The following LMNTD1 variants were observed in gnomAD, a reference collection of about 807,000 sequenced individuals.
LMNTD1 encodes the protein lamin tail domain-containing protein 1.
LMNTD1 carries 35 observed loss-of-function variants against 50.9 expected under a neutral mutation model. The ratio of observed to expected loss-of-function variants is 0.69; its 90% confidence interval spans 0.53 to 0.91. The LOEUF (loss-of-function observed/expected upper bound fraction) is 0.91. Ranked by LOEUF, LMNTD1 falls within the 40% of genes least tolerant of loss-of-function variation. The pLI, the probability that LMNTD1 is intolerant of heterozygous loss-of-function variation, is 0.00. For missense variants in LMNTD1, 470 were observed against 475.5 expected (o/e 0.99, Z 0.11); for synonymous variants, 153 against 161.9 (o/e 0.94, Z 0.42).
At position 25,532,483 on chromosome 12, in the gene LMNTD1, C is replaced by T. The variant is rs74668906; in HGVS notation, c.492-5528G>A. 3.0e-3 allele frequency among the ~76,000 whole-genome samples: 457 copies of T among 150,744 alleles called. 5 individuals are homozygous for T. The highest frequency in any genetic ancestry group is 0.03 in the East Asian group (156 of 5,184). Reference sequence around the variant, plus strand: ...TGAGAAAAACCTCTAACTTCTCAGTCTCTTAGTTGCGGCTTTCAAAATTGG... The same window carrying T: ...TGAGAAAAACCTCTAACTTCTCAGTTTCTTAGTTGCGGCTTTCAAAATTGG... On this transcript the variant is annotated intron_variant, in intron 4 of 9. Coordinates refer to ENST00000458174, the MANE Select transcript of LMNTD1 (RefSeq NM_001145728.2).
chr12:25,623,415 A>C (rs1012154461), intron 1 of LMNTD1, among the ~76,000 whole-genome samples: 1 of 151,878 alleles, frequency 6.6e-6, no homozygotes, highest in Non-Finnish European at 1.5e-5. Context: ...TTAGCTGGGC[A>C]TGGTGGCATG....
intron 1 of LMNTD1, among the ~76,000 whole-genome samples, chr12:25,577,563 T>A (rs978825271): frequency 6.6e-6 from 1 of 152,204 alleles, no homozygotes; most frequent in Non-Finnish European, 1.5e-5. Context: ...AAGTTGCTTA[T>A]CAGCTTAAGG....
chr12:25,613,402 G>A (rs980051989), intron 1 of LMNTD1, among the ~76,000 whole-genome samples: 2 of 152,170 alleles, frequency 1.3e-5, no homozygotes, highest in South Asian at 2.1e-4. Flanking sequence ...GAATCACTGG[G>A]CCTTGGTTTC....
At chr12:25,503,445 ACT>A (rs1939501306) in intron 9 of LMNTD1, among the ~76,000 whole-genome samples, 1 of 152,136 alleles carries the variant, frequency 6.6e-6, no homozygotes, top group South Asian at 2.1e-4. Flanking sequence ...GTTTGAAGTG[ACT>A]CTGGAGTTCA....
chr12:25,510,678 G>T (rs1940202178), intron 8 of LMNTD1, among the ~76,000 whole-genome samples: 1 of 151,142 alleles, frequency 6.6e-6, no homozygotes, highest in Non-Finnish European at 1.5e-5. Context: ...TTCTAGATTT[G>T]GGGATATTTT....
chr12:25,548,983 A>G (rs1423938274), intron 3 of LMNTD1, among the ~76,000 whole-genome samples: 1 of 152,052 alleles, frequency 6.6e-6, no homozygotes, highest in African/African-American at 2.4e-5. Flanking sequence ...TCCTTCTGGT[A>G]GTGTTCAGAG....
rs142654025 is a variant in LMNTD1, at chr12:25,604,145, C to T, written c.58+44349G>A. On this transcript the variant is annotated intron_variant, in intron 1 of 7. Coordinates refer to the LMNTD1 transcript ENST00000445693. ...GAGAATCTGCTTCCTCTTAAGAGTA[C>T]CTGCCCCAACTTTGTTTAGTTCTAT... is the stretch of plus-strand genomic sequence containing the variant. 1.9e-3 allele frequency among the ~76,000 whole-genome samples: 296 copies of T among 152,134 alleles called. 2 individuals are homozygous for T. Among genetic ancestry groups the T allele is most frequent in the African/African-American group, 6.8e-3 (284 of 41,532 alleles).
At chr12:25,483,866 T>A (rs990609320) in intron 9 of LMNTD1, among the ~76,000 whole-genome samples, 2 of 151,932 alleles carry the variant, frequency 1.3e-5, no homozygotes, top group African/African-American at 4.8e-5. Context: ...ATCTAACCAT[T>A]TAACTCCTTG....
intron 1 of LMNTD1, among the ~76,000 whole-genome samples, chr12:25,597,021 G>A (rs1363902151): frequency 1.3e-5 from 2 of 151,958 alleles, no homozygotes; most frequent in African/African-American, 4.8e-5. Context: ...GATAGTATTT[G>A]CAGGCCTCAT....
chr12:25,555,888 A>G (rs538533566), upstream of LMNTD1, among the ~76,000 whole-genome samples: 1 of 152,146 alleles, frequency 6.6e-6, no homozygotes, highest in African/African-American at 2.4e-5. Flanking sequence ...TGTCATCAAC[A>G]TGGCTGTGTC....
chr12:25,500,892 A>G (rs1939349190), intron 9 of LMNTD1, among the ~76,000 whole-genome samples: 2 of 152,158 alleles, frequency 1.3e-5, no homozygotes, highest in African/African-American at 4.8e-5. Context: ...TGAGAGCCTG[A>G]CTCTGAGCAC....
intron 9 of LMNTD1, among the ~76,000 whole-genome samples, chr12:25,477,060 G>A (rs1302395862): frequency 6.6e-6 from 1 of 152,072 alleles, no homozygotes; most frequent in African/African-American, 2.4e-5. Flanking sequence ...ATCAACACAT[G>A]GGCCTCACGG....
chr12:25,608,589 T>C (rs1946172793), intron 1 of LMNTD1, among the ~76,000 whole-genome samples: 1 of 152,226 alleles, frequency 6.6e-6, no homozygotes, highest in Admixed American at 6.5e-5. Flanking sequence ...CCTTCACTTA[T>C]GAAGCTTAGT....
At chr12:25,628,025 G>A (rs1428822757) in intron 1 of LMNTD1, among the ~76,000 whole-genome samples, 13 of 147,238 alleles carry the variant, frequency 8.8e-5, no homozygotes, top group Non-Finnish European at 1.6e-4. Context: ...GGAGAATGGC[G>A]TGAACCCGGG....
chr12:25,620,676 T>C (rs892473001), intron 1 of LMNTD1, among the ~76,000 whole-genome samples: 3 of 152,154 alleles, frequency 2.0e-5, no homozygotes, highest in African/African-American at 2.4e-5. Flanking sequence ...TTTCCTTAGG[T>C]TGAACTTGAA....
intron 9 of LMNTD1, among the ~76,000 whole-genome samples, chr12:25,487,601 G>A (rs1488067677): frequency 7.8e-6 from 1 of 128,696 alleles, no homozygotes; most frequent in African/African-American, 3.0e-5. Flanking sequence ...TTGCCTGTCT[G>A]TGTCTTTTAA....
At chr12:25,512,041 A>C (rs551856380) in intron 8 of LMNTD1, among the ~76,000 whole-genome samples, 3 of 152,202 alleles carry the variant, frequency 2.0e-5, no homozygotes, top group Non-Finnish European at 4.4e-5. Flanking sequence ...TGTTTCTTAA[A>C]CAGCAAATCT....
intron 1 of LMNTD1, among the ~76,000 whole-genome samples, chr12:25,599,609 G>A (rs1945918719): frequency 6.6e-6 from 1 of 151,892 alleles, no homozygotes; most frequent in Admixed American, 6.6e-5. Context: ...AAAGTTGTAG[G>A]ATACAAAATT....
rs777734611 is a variant in LMNTD1 at position 25,526,972 on chromosome 12, A to G, written c.492-17T>C. ...CCAAGAGAACTAGAAAATAAAACAC[A>G]AAGATTGTAAGCTGCCTTCAGATAG... On this transcript the variant is annotated splice_polypyrimidine_tract_variant and intron_variant, in intron 4 of 9. Transcript: ENST00000458174. The G allele has an allele frequency of 8.3e-6, 13 of 1,565,386 alleles. No homozygotes were observed. The Admixed American group carries it at 2.3e-4, about 28-fold the overall frequency.
Sources: allele counts gnomAD v4.1 joint callset (sites outside exome capture counted in the v4.1 genomes callset), GRCh38; gene constraint gnomAD v4.1.1; transcripts MANE v1.5; gene names NCBI Gene and HGNC (gene_info 2026-07-23, HGNC 2026-07-21).